The following RAVER2 variants were observed in gnomAD, a reference collection of about 807,000 sequenced individuals.
RAVER2 encodes ribonucleoprotein, PTB binding 2.
Under a neutral mutation model 78.1 loss-of-function variants are expected in RAVER2, and 46 were observed. That is an observed-to-expected ratio of 0.59 (90% CI 0.46 to 0.75). The LOEUF is 0.75. Ranked by LOEUF, RAVER2 falls within the 30% of genes least tolerant of loss-of-function variation. The pLI is 0.00. For synonymous variants in RAVER2, 311 were observed against 313.3 expected, an observed-to-expected ratio of 0.99 and a Z score of 0.08; for missense variants, 793 against 837.5, an observed-to-expected ratio of 0.95 and a Z score of 0.66.
chr1:64,781,803 T>C (rs1470557766), intron 4 of RAVER2, among the ~76,000 whole-genome samples: 3 of 152,228 alleles, frequency 2.0e-5, no homozygotes, highest in African/African-American at 7.2e-5. Flanking sequence ...AGTGTATTTA[T>C]CTTGAGAAAT....
chr1:64,827,519 TA>T (rs1654030861), intron 11 of RAVER2, among the ~76,000 whole-genome samples: 1 of 152,236 alleles, frequency 6.6e-6, no homozygotes, highest in Admixed American at 6.5e-5. Context: ...AAGACCCTGC[TA>T]AAGATGAAGT....
At chr1:64,776,019 CAAAAA>C (rs34578439) in intron 2 of RAVER2, among the ~76,000 whole-genome samples, 2 of 87,464 alleles carry the variant, frequency 2.3e-5, no homozygotes, top group Admixed American at 2.6e-4. Context: ...ACTCTTGTCT[CAAAAA>C]AAAAAAAAAA....
exon 3 of RAVER2, chr1:64,777,761 C>A (rs764771976): frequency 7.4e-6 from 12 of 1,614,026 alleles, no homozygotes; most frequent in Non-Finnish European, 1.0e-5. Context: ...GTGCCCATTT[C>A]TTTTACATCA....
chr1:64,824,959 A>AAAAT (rs1653974640), intron 11 of RAVER2, among the ~76,000 whole-genome samples: 2 of 139,316 alleles, frequency 1.4e-5, no homozygotes, highest in Admixed American at 1.5e-4. Context: ...AAAAAAAAAA[A>AAAAT]TTAGTGCTGT....
chr1:64,802,954 T>C (rs2100871515), intron 5 of RAVER2, 22 bp from the exon 6 acceptor site: 1 of 1,545,622 alleles, frequency 6.5e-7, no homozygotes, highest in Non-Finnish European at 8.8e-7. Context: ...AAATTAAAGT[T>C]TTTACTTTTA....
intron 4 of RAVER2, among the ~76,000 whole-genome samples, chr1:64,784,021 G>A (rs1166778041): frequency 6.6e-6 from 1 of 152,062 alleles, no homozygotes; most frequent in East Asian, 1.9e-4. Flanking sequence ...AGTTAACAGG[G>A]GTTTTTAAAT....
At chr1:64,746,217 A>C (rs967146360) in intron 1 of RAVER2, among the ~76,000 whole-genome samples, 3 of 152,238 alleles carry the variant, frequency 2.0e-5, no homozygotes, top group Non-Finnish European at 4.4e-5. Context: ...ACAGAGAAGC[A>C]CAAAGGGGAC....
At chr1:64,807,259 C>T in exon 9 of RAVER2, 1 of 1,614,138 alleles carries the variant, frequency 6.2e-7, no homozygotes. Flanking sequence ...GGGCATGTTA[C>T]CATTCTTTCC....
rs761787530 is a variant in RAVER2 at position 64,804,721 on chromosome 1, G to T, written c.1192-13G>T. On this transcript the variant is annotated splice_polypyrimidine_tract_variant and intron_variant, in intron 6 of 11. Transcript: ENST00000294428. ...TTCAAAATTAAACTGACAACGTTTT[G>T]TCATTTTCACAGAGCTCAGTTATGG... is the stretch of plus-strand genomic sequence containing the variant. The T allele has an allele frequency of 7.8e-7, 1 of 1,286,622 alleles. No homozygotes were observed. The highest frequency in any genetic ancestry group is 1.1e-6 in the Non-Finnish European group (1 of 899,298). The allele number at this position is 1,286,622 out of a possible 1,614,324, so 79.7% of individuals were successfully genotyped here.
intron 1 of RAVER2, among the ~76,000 whole-genome samples, chr1:64,747,811 G>A (rs1347240839): frequency 6.6e-6 from 1 of 152,054 alleles, no homozygotes; most frequent in African/African-American, 2.4e-5. Context: ...CACTGTGCCT[G>A]GCCTCATTTC....
chr1:64,811,752 A>G (rs1344564724), intron 9 of RAVER2, among the ~76,000 whole-genome samples: 2 of 152,182 alleles, frequency 1.3e-5, no homozygotes, highest in East Asian at 1.9e-4. Flanking sequence ...ACAGTAGGCT[A>G]TTAGTAGTTA....
At chr1:64,749,087 G>A (rs1389882513) in intron 1 of RAVER2, among the ~76,000 whole-genome samples, 2 of 151,910 alleles carry the variant, frequency 1.3e-5, no homozygotes, top group Non-Finnish European at 2.9e-5. Flanking sequence ...CAATCCTCCT[G>A]CATTTGCCTC....
At chr1:64,812,958 A>G (rs1653658891) in intron 10 of RAVER2, 109 bp downstream of exon 10, 3 of 609,260 alleles carry the variant, frequency 4.9e-6, no homozygotes, top group African/African-American at 1.9e-5. Flanking sequence ...TATTGACCAA[A>G]TTAAGGCCTA....
At chr1:64,797,089 T>G (rs1279217227) in intron 5 of RAVER2, among the ~76,000 whole-genome samples, 1 of 152,190 alleles carries the variant, frequency 6.6e-6, no homozygotes, top group Non-Finnish European at 1.5e-5. Flanking sequence ...CAATTTAAAT[T>G]TATAAATTAG....
intron 1 of RAVER2, among the ~76,000 whole-genome samples, chr1:64,764,540 G>A (rs1557585440): frequency 6.6e-6 from 1 of 152,012 alleles, no homozygotes; most frequent in Non-Finnish European, 1.5e-5. Flanking sequence ...TAAGGAAAAA[G>A]ATTGATAAAT....
At chr1:64,771,460 A>G (rs1341610625) in intron 2 of RAVER2, among the ~76,000 whole-genome samples, 1 of 152,056 alleles carries the variant, frequency 6.6e-6, no homozygotes, top group Non-Finnish European at 1.5e-5. Flanking sequence ...ATAGATGGAA[A>G]TCTGGACCTA....
At chr1:64,803,742 C>G (rs1653334382) in intron 6 of RAVER2, among the ~76,000 whole-genome samples, 1 of 152,116 alleles carries the variant, frequency 6.6e-6, no homozygotes, top group Non-Finnish European at 1.5e-5. Flanking sequence ...CATTCATTTA[C>G]TCAATGTATT....
At chr1:64,814,522 G>A (rs1410403057) in intron 10 of RAVER2, among the ~76,000 whole-genome samples, 182 bp from the exon 11 acceptor site, 1 of 151,946 alleles carries the variant, frequency 6.6e-6, no homozygotes, top group Non-Finnish European at 1.5e-5. Context: ...AAATTATTTA[G>A]TTATATATTG....
chr1:64,747,918 A>G (rs1472657210), intron 1 of RAVER2, among the ~76,000 whole-genome samples: 1 of 152,192 alleles, frequency 6.6e-6, no homozygotes, highest in African/African-American at 2.4e-5. Flanking sequence ...TCAATAACTT[A>G]CTAGTAGAAA....
Sources: allele counts gnomAD v4.1 joint callset (sites outside exome capture counted in the v4.1 genomes callset), GRCh38; gene constraint gnomAD v4.1.1; transcripts MANE v1.5; gene names NCBI Gene and HGNC (gene_info 2026-07-23, HGNC 2026-07-21).